Variants in CROCC observed in about 807,000 individuals in gnomAD.
CROCC encodes rootletin.
Under a neutral mutation model 245.2 loss-of-function variants are expected in CROCC, and 180 were observed. The ratio of observed to expected loss-of-function variants is 0.73; its 90% CI spans 0.65 to 0.83. CROCC has a LOEUF of 0.83. Ranked by LOEUF, CROCC falls within the 40% of genes least tolerant of loss-of-function variation. The pLI is 0.00. For missense variants in CROCC, 2,688 were observed against 2,779.4 expected (o/e 0.97, Z 0.74); for synonymous variants, 1,205 against 1,241.6 (o/e 0.97, Z 0.62).
chr1:16,969,364 G>T, intron 32 of CROCC, 24 bp downstream of exon 32: 1 of 1,595,290 alleles, frequency 6.3e-7, no homozygotes, highest in Non-Finnish European at 8.5e-7. Context: ...GGTCTGGCTG[G>T]GGTGGGCCCA....
At chr1:16,950,761 C>T (rs1419765799) in intron 19 of CROCC, among the ~76,000 whole-genome samples, 192 bp from the exon 20 acceptor site, 1 of 152,226 alleles carries the variant, frequency 6.6e-6, no homozygotes. Flanking sequence ...GGGTCAGGGC[C>T]AGTGGGCCCA....
At chr1:16,915,399 G>A (rs2075291306) in intron 1 of CROCC, among the ~76,000 whole-genome samples, 1 of 152,412 alleles carries the variant, frequency 6.6e-6, no homozygotes, top group South Asian at 2.1e-4. Flanking sequence ...AAGCCAACCT[G>A]GCACTTTGGG....
chr1:16,920,646 G>A (rs2075384171), upstream of CROCC, among the ~76,000 whole-genome samples: 1 of 152,148 alleles, frequency 6.6e-6, no homozygotes, highest in Admixed American at 6.5e-5. Flanking sequence ...GTGCGCCTAA[G>A]CACTAGAGCA....
intron 10 of CROCC, among the ~76,000 whole-genome samples, chr1:16,937,938 A>C (rs1480848569): frequency 6.6e-6 from 1 of 152,284 alleles, no homozygotes; most frequent in African/African-American, 2.4e-5. Flanking sequence ...CCTGTAGCAT[A>C]ATCCTCATAA....
At chr1:16,958,887 C>T (rs2076287769) in intron 26 of CROCC, 137 bp downstream of exon 26, 1 of 1,017,964 alleles carries the variant, frequency 9.8e-7, no homozygotes. Context: ...GACTCTTCCC[C>T]AGTTGTAGTA....
In CROCC at chr1:16,954,770, C is replaced by T; in HGVS notation, c.3358C>T (p.Leu1120=). 6.4e-7 allele frequency: 1 copy of T among 1,555,456 alleles called. No homozygotes were observed. The highest frequency in any genetic ancestry group is 8.7e-7 in the Non-Finnish European group (1 of 1,150,270). The change falls in exon 23 of 37, where the codon CTA becomes TTA. Residue 1120 remains leucine (L), a synonymous_variant. Transcript: ENST00000375541. The surrounding 1 kb of genome is among the most constrained non-coding windows in gnomAD (Gnocchi z 4.4). ...CGCTCTGACGTCTGAGCTGCGGGAC[C>T]TACGGGCCCAGCGGGAGGAGGCTGC... ...VNALTSELRD[L]RAQREEAAAA...
Position 16,969,896 on chromosome 1 carries a change from C to T in CROCC, c.5413C>T (p.Arg1805Trp), listed in dbSNP as rs773796463. The T allele has an allele frequency of 5.6e-6, 9 of 1,608,660 alleles. No individual in the cohort carries two copies. Among genetic ancestry groups the T allele is most frequent in the Non-Finnish European group, 7.6e-6 (9 of 1,177,444 alleles). ...RGEVADLELQ[R>W]VEAEGQLQQL... ...CGAGGTGGCTGACCTGGAACTGCAGCGGGTGGAGGCCGAGGGCCAGCTACA... is the reference window on the plus strand; with the variant it reads ...CGAGGTGGCTGACCTGGAACTGCAGTGGGTGGAGGCCGAGGGCCAGCTACA... Residue 1805 changes from arginine to tryptophan, a missense_variant, in exon 33 of 37, where the codon CGG becomes TGG. Physicochemically the swap from Arg to Trp is moderately radical, Grantham distance 101. This residue lies in a region of CROCC where 1,218 missense variants were observed against 1,286.3 expected (regional missense o/e 0.95). Transcript: ENST00000375541.
Position 16,950,938 on chromosome 1 carries a change from A to G in CROCC, c.2837-15A>G. 1.3e-6 allele frequency: 2 copies of G among 1,512,484 alleles called. No individual in the cohort carries two copies. Among genetic ancestry groups the G allele is most frequent in the Non-Finnish European group, 8.9e-7 (1 of 1,127,996 alleles). 93.7% of individuals were successfully genotyped at this position (1,512,484 alleles called of 1,614,324 possible). On this transcript the variant is annotated splice_polypyrimidine_tract_variant and intron_variant, in intron 19 of 36. Coordinates refer to ENST00000375541, the MANE Select transcript of CROCC (RefSeq NM_014675.5). The stretch of plus-strand genomic sequence containing the variant: ...TCAACCCAACCCTGCCCTTTCCCCC[A>G]TTCCTCTCGTGCAGGGGAGTTGGCG...
At position 16,937,707 on chromosome 1, in the gene CROCC, C is replaced by G; in HGVS notation, c.1260C>G (p.Asn420Lys). The change falls in exon 10 of 37, where the codon AAC becomes AAG. Residue 420 changes from asparagine (N) to lysine (K), a missense_variant. Coordinates refer to ENST00000375541, the MANE Select transcript of CROCC (RefSeq NM_014675.5). Reference sequence around the variant, plus strand: ...AGAATCTGGAGAAGGATCAGGTCAACAAGGACCTCACTGAGAAGCTTGAGG... The same window carrying G: ...AGAATCTGGAGAAGGATCAGGTCAAGAAGGACCTCACTGAGAAGCTTGAGG... ...EKQNLEKDQV[N>K]KDLTEKLEAL... 1 of 1,611,186 alleles carries G rather than the reference C, an allele frequency of 6.2e-7. No individual in the cohort carries two copies. Among genetic ancestry groups the G allele is most frequent in the Non-Finnish European group, 8.5e-7 (1 of 1,179,392 alleles).
intron 25 of CROCC, among the ~76,000 whole-genome samples, chr1:16,956,498 G>T (rs1254687913): frequency 1.3e-5 from 2 of 152,126 alleles, no homozygotes; most frequent in African/African-American, 4.8e-5. Flanking sequence ...TTTGTAAAGA[G>T]CCCAAATGGT....
At chr1:16,944,851 G>C (rs1220337931) in intron 14 of CROCC, among the ~76,000 whole-genome samples, 1 of 152,284 alleles carries the variant, frequency 6.6e-6, no homozygotes, top group Non-Finnish European at 1.5e-5. Context: ...ATGATGTTTA[G>C]TAGACTGTGG....
rs372523664 is a variant in CROCC, at chr1:16,968,248, G to A, written c.4906G>A (p.Asp1636Asn). The change falls in exon 31 of 37, where the codon GAC becomes AAC. Residue 1636 changes from aspartate (D) to asparagine (N), a missense_variant. Physicochemically the swap from Asp to Asn is conservative, Grantham distance 23 (BLOSUM62 1). Around this residue, in one of 9 missense-constraint regions of CROCC, gnomAD observed 1,218 missense variants for 1,286.3 expected, o/e 0.95. Transcript: ENST00000375541. ...MKANETKLEG[D>N]KRRLKEVLDA... ...GGCCAATGAGACAAAGCTGGAGGGC[G>A]ACAAGCGGCGCCTGAAGGAGGTTCT... 88 of 1,567,978 alleles carry A rather than the reference G, an allele frequency of 5.6e-5. No homozygotes were observed. The highest frequency in any genetic ancestry group is 6.9e-5 in the Non-Finnish European group (80 of 1,158,012).
chr1:16,931,455 A>C (rs2075676421), intron 8 of CROCC, 58 bp downstream of exon 8: 1 of 1,467,968 alleles, frequency 6.8e-7, no homozygotes, highest in African/African-American at 1.4e-5. Flanking sequence ...CTTTATGTCC[A>C]ACTGAACTCA....
In CROCC at chr1:16,972,522, C is replaced by CA. The variant is rs2100570673; in HGVS notation, c.*77dup. The CA allele has an allele frequency of 3.2e-6, 3 of 944,890 alleles. No individual in the cohort carries two copies. The highest frequency in any genetic ancestry group is 4.6e-6 in the Non-Finnish European group (3 of 647,334). 58.5% of individuals were successfully genotyped at this position (944,890 alleles called of 1,614,324 possible). A position where few individuals can be genotyped will look rare whatever the true frequency, so the allele number is the denominator to read the frequency against. ...CCTTCTTTTGGACAGCCCCCCCACC[C>CA]AGAGCCCGGTCCCTTGGGGGCCTCA... On this transcript the variant is annotated 3_prime_UTR_variant, in exon 37 of 37. Transcript: ENST00000375541.
At chr1:16,921,159 C>A (rs529910746), upstream of CROCC, among the ~76,000 whole-genome samples, 1 of 152,392 alleles carries the variant, frequency 6.6e-6, no homozygotes, top group African/African-American at 2.4e-5. Flanking sequence ...ACTGTTTCAT[C>A]CCCGGACGGC....
chr1:16,924,184 C>G, intron 2 of CROCC, 141 bp from the exon 3 acceptor site: 1 of 1,055,464 alleles, frequency 9.5e-7, no homozygotes, highest in Non-Finnish European at 1.4e-6. Flanking sequence ...CTGTTCTCAG[C>G]TCTGTTTGCA....
intron 30 of CROCC, among the ~76,000 whole-genome samples, chr1:16,967,055 A>G (rs1387041594): frequency 3.7e-5 from 3 of 80,770 alleles, no homozygotes; most frequent in African/African-American, 9.7e-5. Flanking sequence ...TGTAAAAAAG[A>G]AAAGAAAAAA....
intron 2 of CROCC, among the ~76,000 whole-genome samples, chr1:16,923,762 C>A (rs778949417): frequency 2.0e-5 from 3 of 148,516 alleles, no homozygotes; most frequent in Non-Finnish European, 4.4e-5. Flanking sequence ...CTCACTGCAA[C>A]CTCCACCTCC....
chr1:16,965,309 G>A (rs925722660), intron 27 of CROCC, among the ~76,000 whole-genome samples: 5 of 152,178 alleles, frequency 3.3e-5, no homozygotes, highest in Non-Finnish European at 5.9e-5. Context: ...TGGAAGAGAC[G>A]AGGCCCAGCC....
Sources: allele counts gnomAD v4.1 joint callset (sites outside exome capture counted in the v4.1 genomes callset), GRCh38; gene constraint gnomAD v4.1.1; regional missense constraint gnomAD v4.1.1; non-coding constraint Gnocchi (gnomAD v3.1); transcripts MANE v1.5; gene names NCBI Gene and HGNC (gene_info 2026-07-23, HGNC 2026-07-21).